NEBL: variants seen among roughly 807,000 people sequenced by gnomAD.
NEBL encodes the protein nebulette.
NEBL carries 122 observed loss-of-function variants against 140.2 expected under a neutral mutation model. The ratio of observed to expected loss-of-function variants is 0.87; its 90% CI spans 0.75 to 1.01. NEBL has a LOEUF of 1.01. Ranked by LOEUF, NEBL falls within the 50% of genes least tolerant of loss-of-function variation. The pLI, the probability that NEBL is intolerant of heterozygous loss-of-function variation, is 0.00. For synonymous variants in NEBL, 436 were observed against 398.9 expected (o/e 1.09, Z -1.11); for missense variants, 1,365 against 1,231.3 (o/e 1.11, Z -1.62).
At chr10:20,821,481 T>G (rs1839308673) in intron 19 of NEBL, among the ~76,000 whole-genome samples, 1 of 152,212 alleles carries the variant, frequency 6.6e-6, no homozygotes, top group South Asian at 2.1e-4. Context: ...CCTTTCTCTA[T>G]GTCATACCAG....
At chr10:21,076,650 T>C (rs1025202102) in intron 2 of NEBL, among the ~76,000 whole-genome samples, 6 of 152,112 alleles carry the variant, frequency 3.9e-5, no homozygotes, top group Admixed American at 6.6e-5. Flanking sequence ...CAGAATGTGA[T>C]ATACACATAT....
intron 3 of NEBL, among the ~76,000 whole-genome samples, chr10:20,889,460 T>C (rs1397108994): frequency 6.6e-6 from 1 of 152,224 alleles, no homozygotes; most frequent in African/African-American, 2.4e-5. Flanking sequence ...AAATCTTATT[T>C]ATTTCCAAAA....
intron 4 of NEBL, among the ~76,000 whole-genome samples, chr10:20,903,127 GTA>G (rs1371771213): frequency 3.3e-5 from 5 of 152,066 alleles, no homozygotes; most frequent in Non-Finnish European, 5.9e-5. Context: ...AGTGCAGATA[GTA>G]TCAAACTCTA....
At position 21,109,705 on chromosome 10, in the gene NEBL, G is replaced by A. The variant is rs570974835; in HGVS notation, c.164+62678C>T. On this transcript the variant is annotated intron_variant, in intron 2 of 6. Transcript: ENST00000417816. Reference sequence around the variant, plus strand: ...TGTTGTTGGTCTATTCAGAGATTCAGCTTCTTCCTGGTTTAGTCTTGGGAG... The same window carrying A: ...TGTTGTTGGTCTATTCAGAGATTCAACTTCTTCCTGGTTTAGTCTTGGGAG... Among the ~76,000 whole-genome samples, 5 of 152,108 alleles carry A rather than the reference G, an allele frequency of 3.3e-5. No homozygotes were observed. The South Asian group carries it at 1.0e-3, about 32-fold the overall frequency.
chr10:21,246,807 C>T (rs1842522595), intron 3 of NEBL, among the ~76,000 whole-genome samples: 1 of 152,024 alleles, frequency 6.6e-6, no homozygotes, highest in African/African-American at 2.4e-5. Context: ...GCACTCCAGC[C>T]TGGGTGACAG....
chr10:21,101,034 A>G (rs988719605), intron 2 of NEBL, among the ~76,000 whole-genome samples: 2 of 152,136 alleles, frequency 1.3e-5, no homozygotes, highest in East Asian at 1.9e-4. Flanking sequence ...GTAACTTTAG[A>G]GACACAGGGG....
chr10:20,837,644 GC>G (rs1759903553), intron 13 of NEBL, among the ~76,000 whole-genome samples: 1 of 152,158 alleles, frequency 6.6e-6, no homozygotes, highest in South Asian at 2.1e-4. Context: ...AGACAAACCA[GC>G]CTTCTATTGG....
chr10:21,292,840 C>G (rs966376280), exon 1 of NEBL, among the ~76,000 whole-genome samples: 1 of 152,166 alleles, frequency 6.6e-6, no homozygotes, highest in African/African-American at 2.4e-5. Flanking sequence ...ATTCTTGGCT[C>G]TTTTTCCACC....
At chr10:20,978,464 A>C (rs1836893779) in intron 3 of NEBL, among the ~76,000 whole-genome samples, 1 of 152,176 alleles carries the variant, frequency 6.6e-6, no homozygotes, top group African/African-American at 2.4e-5. Context: ...TTAAATCAAA[A>C]ATTTAGAAAG....
rs571608768 is a variant in NEBL at position 20,948,394 on chromosome 10, C to A, written c.357+13278G>T. On this transcript the variant is annotated intron_variant, in intron 4 of 6. Transcript: ENST00000417816. Reference sequence around the variant, plus strand: ...TTTCATTATACCCATGACACTAGTCCTTTCCTTTTATAAATACCAAAAAAT... The same window carrying A: ...TTTCATTATACCCATGACACTAGTCATTTCCTTTTATAAATACCAAAAAAT... Among the ~76,000 whole-genome samples the A allele has an allele frequency of 2.5e-4, 38 of 152,286 alleles. 1 individual carries two copies. In the South Asian group the frequency reaches 7.9e-3, roughly 32 times the overall value.
intron 3 of NEBL, among the ~76,000 whole-genome samples, chr10:21,197,102 C>G (rs534761524): frequency 6.6e-6 from 1 of 152,166 alleles, no homozygotes; most frequent in African/African-American, 2.4e-5. Flanking sequence ...TTTAATTTTG[C>G]TCTTCCACTT....
rs530459921 is a variant in NEBL at position 20,999,373 on chromosome 10, G to A, written c.249+20744C>T. Among the ~76,000 whole-genome samples the A allele has an allele frequency of 6.6e-5, 10 of 152,222 alleles. 1 individual carries two copies. The South Asian group carries it at 2.1e-3, about 32-fold the overall frequency. On this transcript the variant is annotated intron_variant, in intron 3 of 6. Transcript: ENST00000417816. The stretch of plus-strand genomic sequence containing the variant: ...GCACTTTGGGAGGGTAAGGTGGGAG[G>A]GTTGCTTGACCCCAGGAGTTCAAGA...
At chr10:20,835,182 T>TA (rs1840751348) in intron 14 of NEBL, among the ~76,000 whole-genome samples, 1 of 152,142 alleles carries the variant, frequency 6.6e-6, no homozygotes, top group African/African-American at 2.4e-5. Flanking sequence ...CATGATCCAT[T>TA]AAAAAATACC....
At chr10:21,141,766 A>C (rs911732990) in intron 2 of NEBL, among the ~76,000 whole-genome samples, 2 of 152,216 alleles carry the variant, frequency 1.3e-5, no homozygotes, top group African/African-American at 4.8e-5. Context: ...GAAGTATGTT[A>C]ATCTTTCCTC....
intron 13 of NEBL, among the ~76,000 whole-genome samples, chr10:20,836,326 G>A (rs1369735997): frequency 1.3e-5 from 2 of 152,112 alleles, no homozygotes; most frequent in East Asian, 1.9e-4. Flanking sequence ...GGGTTCAAGC[G>A]ATTCTCCAGC....
At chr10:20,837,892 A>C (rs893672012) in intron 13 of NEBL, among the ~76,000 whole-genome samples, 4 of 152,200 alleles carry the variant, frequency 2.6e-5, no homozygotes, top group African/African-American at 9.7e-5. Context: ...ATTTGTTTAA[A>C]GTATGGTTTA....
At chr10:20,928,397 C>A (rs909218570) in intron 4 of NEBL, among the ~76,000 whole-genome samples, 2 of 152,142 alleles carry the variant, frequency 1.3e-5, no homozygotes, top group Non-Finnish European at 2.9e-5. Flanking sequence ...CTGGGTCAGG[C>A]TATGCCATCA....
intron 2 of NEBL, among the ~76,000 whole-genome samples, chr10:21,079,699 G>GA (rs1836280846): frequency 6.6e-6 from 1 of 152,198 alleles, no homozygotes; most frequent in South Asian, 2.1e-4. Context: ...CACACAGATT[G>GA]AGCTGCATAT....
chr10:20,824,883 G>A (rs773921094), intron 18 of NEBL, among the ~76,000 whole-genome samples: 5 of 152,028 alleles, frequency 3.3e-5, no homozygotes, highest in Middle Eastern at 3.2e-3. Flanking sequence ...ACAGTACATC[G>A]ATGGGTGCAT....
Sources: gnomAD v4.1 joint callset for allele counts (sites outside exome capture counted in the v4.1 genomes callset) on GRCh38, gnomAD v4.1.1 for gene constraint, MANE v1.5 for transcripts, NCBI Gene and HGNC (gene_info 2026-07-23, HGNC 2026-07-21) for gene names.